The following WWTR1 variants were observed in gnomAD, a reference collection of about 807,000 sequenced individuals.
WWTR1 encodes WW domain containing transcription regulator 1, also known as WW domain-containing transcription regulator protein 1.
WWTR1 carries 13 observed loss-of-function variants against 40.1 expected under a neutral mutation model. That is an observed-to-expected ratio of 0.32 (90% CI 0.21 to 0.52). The LOEUF (loss-of-function observed/expected upper bound fraction) is 0.52. WWTR1 is among the 20% of genes least tolerant of loss of function. WWTR1 has a pLI of 0.97. For missense variants in WWTR1, 436 were observed against 523.1 expected (o/e 0.83, Z 1.63); for synonymous variants, 230 against 210.1 (o/e 1.09, Z -0.82).
intron 3 of WWTR1, among the ~76,000 whole-genome samples, chr3:149,558,792 C>A (rs142249316): frequency 6.6e-6 from 1 of 152,088 alleles, no homozygotes; most frequent in African/African-American, 2.4e-5. Context: ...ACACAAGGAC[C>A]GAAGACTTGT....
intron 4 of WWTR1, among the ~76,000 whole-genome samples, chr3:149,532,920 G>A (rs1008597934): frequency 6.6e-6 from 1 of 152,182 alleles, no homozygotes; most frequent in Non-Finnish European, 1.5e-5. Context: ...GAAACAGAGG[G>A]GTGACAGTTG....
At chr3:149,534,039 A>G (rs928928367) in intron 4 of WWTR1, among the ~76,000 whole-genome samples, 2 of 152,154 alleles carry the variant, frequency 1.3e-5, no homozygotes, top group Non-Finnish European at 2.9e-5. Flanking sequence ...GCATGGTGGC[A>G]TGTGCCTGTA....
intron 2 of WWTR1, among the ~76,000 whole-genome samples, chr3:149,613,508 C>A (rs540668937): frequency 6.6e-6 from 1 of 152,260 alleles, no homozygotes; most frequent in East Asian, 1.9e-4. Context: ...CCACTCCCGG[C>A]ATCTCTTCTT....
chr3:149,561,572 C>G (rs980120047), intron 3 of WWTR1, among the ~76,000 whole-genome samples: 1 of 152,168 alleles, frequency 6.6e-6, no homozygotes, highest in African/African-American at 2.4e-5. Context: ...GCATATGGCA[C>G]AAGGATTTAT....
chr3:149,684,569 T>A (rs1310521277), intron 1 of WWTR1, among the ~76,000 whole-genome samples: 8 of 152,128 alleles, frequency 5.3e-5, no homozygotes, highest in Non-Finnish European at 8.8e-5. Flanking sequence ...TTCTTTTTTT[T>A]TTTTTCCTTT....
chr3:149,615,672 C>T (rs1739938995), intron 2 of WWTR1, among the ~76,000 whole-genome samples: 1 of 152,182 alleles, frequency 6.6e-6, no homozygotes, highest in Admixed American at 6.5e-5. Context: ...ACTTGATACT[C>T]ATCAATTCCT....
intron 6 of WWTR1, among the ~76,000 whole-genome samples, chr3:149,524,671 C>G (rs535270892): frequency 6.6e-6 from 1 of 152,108 alleles, no homozygotes; most frequent in African/African-American, 2.4e-5. Flanking sequence ...ACAACCTACA[C>G]GAAAGACGCC....
chr3:149,681,933 T>G (rs922882791), intron 1 of WWTR1, among the ~76,000 whole-genome samples: 5 of 152,176 alleles, frequency 3.3e-5, no homozygotes, highest in African/African-American at 9.6e-5. Context: ...TTCAGTTATG[T>G]GAGATGAATA....
intron 1 of WWTR1, among the ~76,000 whole-genome samples, chr3:149,682,733 CCTTA>C (rs1193614853): frequency 6.6e-6 from 1 of 152,210 alleles, no homozygotes; most frequent in Non-Finnish European, 1.5e-5. Flanking sequence ...TTATCTGCCT[CCTTA>C]CTTAGTCCTT....
intron 1 of WWTR1, among the ~76,000 whole-genome samples, chr3:149,675,995 G>A (rs1282234899): frequency 1.3e-5 from 2 of 152,094 alleles, no homozygotes; most frequent in Non-Finnish European, 2.9e-5. Flanking sequence ...GTGAGCCACC[G>A]CGCCCAGCCT....
intron 5 of WWTR1, among the ~76,000 whole-genome samples, chr3:149,712,553 G>A (rs570572897): frequency 3.4e-4 from 52 of 152,206 alleles, no homozygotes; most frequent in African/African-American, 1.3e-3. Flanking sequence ...TTTAGTTGCT[G>A]ACAAAAACTT....
intron 2 of WWTR1, among the ~76,000 whole-genome samples, chr3:149,608,555 T>G (rs1739590360): frequency 6.6e-6 from 1 of 151,980 alleles, no homozygotes; most frequent in South Asian, 2.1e-4. Flanking sequence ...CTGGCTAATT[T>G]TTTTGTATTT....
At chr3:149,618,606 AAG>A (rs1446818484) in intron 2 of WWTR1, among the ~76,000 whole-genome samples, 2 of 152,224 alleles carry the variant, frequency 1.3e-5, no homozygotes, top group African/African-American at 4.8e-5. Flanking sequence ...AATGCAGAAA[AAG>A]AGAGAGAGAA....
At chr3:149,699,236 T>C (rs1037102568) in intron 1 of WWTR1, among the ~76,000 whole-genome samples, 5 of 152,168 alleles carry the variant, frequency 3.3e-5, no homozygotes, top group African/African-American at 1.2e-4. Context: ...CCAGGGCACA[T>C]CTTGAATGCT....
chr3:149,634,295 A>C (rs1468791959), intron 2 of WWTR1, among the ~76,000 whole-genome samples: 1 of 152,208 alleles, frequency 6.6e-6, no homozygotes, highest in African/African-American at 2.4e-5. Context: ...TGTTTCTGTC[A>C]GAGTTCTTGG....
intron 3 of WWTR1, among the ~76,000 whole-genome samples, chr3:149,549,705 G>A (rs572323493): frequency 1.3e-5 from 2 of 152,250 alleles, no homozygotes; most frequent in African/African-American, 4.8e-5. Flanking sequence ...TGGGCATGGT[G>A]GCATGCATTC....
At chr3:149,525,174 C>T (rs1335577627) in intron 6 of WWTR1, among the ~76,000 whole-genome samples, 1 of 152,152 alleles carries the variant, frequency 6.6e-6, no homozygotes, top group Non-Finnish European at 1.5e-5. Flanking sequence ...GATGTCGTTA[C>T]CATGTTGGAA....
chr3:149,656,991 G>C lies in WWTR1; in HGVS notation c.316C>G (p.Pro106Ala), dbSNP rs758233563. The change falls in exon 2 of 7, where the codon CCC (proline) becomes GCC (alanine). Residue 106 changes from proline (P) to alanine (A), a missense_variant. Physicochemically the swap from Pro to Ala is conservative, Grantham distance 27. Transcript: ENST00000360632. ...CGGAGGTGCGCGTGCTGCTGCGCGG[G>C]GCTACCCGCAGCACCCGCGCCGGTG... The part of the protein sequence containing the change: ...LGTGAGAAGS[P>A]AQQHAHLRQQ... 1.9e-6 allele frequency: 3 copies of C among 1,599,652 alleles called. No homozygotes were observed. The highest frequency in any genetic ancestry group is 1.1e-5 in the South Asian group (1 of 90,428).
intron 2 of WWTR1, among the ~76,000 whole-genome samples, chr3:149,576,991 C>T (rs545751008): frequency 2.0e-5 from 3 of 152,280 alleles, no homozygotes; most frequent in South Asian, 2.1e-4. Context: ...AGCCCTGTCT[C>T]TACTAAAAAT....
Sources: gnomAD v4.1 joint callset for allele counts (sites outside exome capture counted in the v4.1 genomes callset) on GRCh38, gnomAD v4.1.1 for gene constraint, MANE v1.5 for transcripts, NCBI Gene and HGNC (gene_info 2026-07-23, HGNC 2026-07-21) for gene names.